FAM13B: variants seen among roughly 807,000 people sequenced by gnomAD.
The protein encoded by FAM13B is family with sequence similarity 13 member B, also known as protein FAM13B.
Under a neutral mutation model 117.3 loss-of-function variants are expected in FAM13B, and 60 were observed. The observed-to-expected ratio is 0.51, with a 90% confidence interval of 0.42 to 0.63. The LOEUF is 0.63. Among genes scored for constraint, FAM13B ranks in the 30% least tolerant of loss-of-function variants. The pLI is 0.00. For missense variants in FAM13B, 972 were observed against 1,091.9 expected, an observed-to-expected ratio of 0.89 and a Z score of 1.55; for synonymous variants, 332 against 356.1, an observed-to-expected ratio of 0.93 and a Z score of 0.76.
chr5:138,017,698 T>C (rs1477901805), intron 4 of FAM13B, among the ~76,000 whole-genome samples: 1 of 152,210 alleles, frequency 6.6e-6, no homozygotes, highest in East Asian at 1.9e-4. Context: ...ATTTTTCCTG[T>C]TCCTGTTCCA....
At chr5:137,986,193 C>G (rs1777160416) in intron 9 of FAM13B, among the ~76,000 whole-genome samples, 2 of 152,124 alleles carry the variant, frequency 1.3e-5, no homozygotes, top group Admixed American at 6.5e-5. Flanking sequence ...TAGAGCTGCA[C>G]TGGCTGGCAG....
At chr5:138,049,221 C>T (rs571231584) in intron 1 of FAM13B, among the ~76,000 whole-genome samples, 31 of 152,122 alleles carry the variant, frequency 2.0e-4, no homozygotes, top group Non-Finnish European at 3.7e-4. Flanking sequence ...GGATTACAGG[C>T]GTGAGCCACT....
At chr5:138,028,259 G>T (rs985170627) in intron 1 of FAM13B, among the ~76,000 whole-genome samples, 1 of 152,144 alleles carries the variant, frequency 6.6e-6, no homozygotes, top group Non-Finnish European at 1.5e-5. Context: ...TTGCAACAAC[G>T]TGGGAAATAT....
chr5:138,041,791 G>T (rs905193541), intron 1 of FAM13B, among the ~76,000 whole-genome samples: 1 of 151,740 alleles, frequency 6.6e-6, no homozygotes, highest in Admixed American at 6.6e-5. Flanking sequence ...ATTGGGGGTG[G>T]GGGGTGGTAC....
chr5:138,018,434 C>A lies in FAM13B; in HGVS notation c.238G>T (p.Gly80Ter). The A allele has an allele frequency of 6.2e-7, 1 of 1,614,104 alleles. No homozygotes were observed. The highest frequency in any genetic ancestry group is 8.5e-7 in the Non-Finnish European group (1 of 1,180,018). ...VEWLRQRYDS[G>*]EEVDLVKEAD... is the part of the protein sequence containing the mutation. Reference sequence around the variant, plus strand: ...TCCTTAACCAAATCCACCTCTTCTCCGCTGTCGTATCTCTGCCGAAGCCAC... The same window carrying A: ...TCCTTAACCAAATCCACCTCTTCTCAGCTGTCGTATCTCTGCCGAAGCCAC... Residue 80 changes from glycine (G) to a stop codon, truncating the protein, a stop_gained, in exon 4 of 24, where the codon GGA (glycine) becomes TGA (stop). Coordinates refer to ENST00000689681, the MANE Select transcript of FAM13B (RefSeq NM_001385994.1). LOFTEE classifies it high-confidence loss of function.
intron 1 of FAM13B, among the ~76,000 whole-genome samples, chr5:138,031,856 C>A (rs1182390201): frequency 1.3e-5 from 2 of 152,152 alleles, no homozygotes; most frequent in Non-Finnish European, 2.9e-5. Context: ...CTCACACTAA[C>A]CCAGCTCTAA....
At position 137,939,996 on chromosome 5, in the gene FAM13B, T is replaced by C; in HGVS notation, c.*229A>G. 1 of 1,584,762 alleles carries C rather than the reference T, an allele frequency of 6.3e-7. No individual in the cohort carries two copies. The highest frequency in any genetic ancestry group is 8.6e-7 in the Non-Finnish European group (1 of 1,166,104). On this transcript the variant is annotated 3_prime_UTR_variant, in exon 24 of 24. Coordinates refer to ENST00000689681, the MANE Select transcript of FAM13B (RefSeq NM_001385994.1). Reference sequence around the variant, plus strand: ...ACAATGAAGTAAACCATATGTTTGCTAAAGGTGGAGAGGACAGTCTGTGGT... The same window carrying C: ...ACAATGAAGTAAACCATATGTTTGCCAAAGGTGGAGAGGACAGTCTGTGGT...
At chr5:138,032,404 T>A (rs376529079) in intron 1 of FAM13B, among the ~76,000 whole-genome samples, 5 of 152,232 alleles carry the variant, frequency 3.3e-5, no homozygotes, top group East Asian at 3.9e-4. Flanking sequence ...CTGCCCAGCA[T>A]GAAGGAAGTG....
intron 4 of FAM13B, among the ~76,000 whole-genome samples, chr5:138,013,504 A>AG (rs1232660907): frequency 6.6e-6 from 1 of 151,190 alleles, no homozygotes; most frequent in Non-Finnish European, 1.5e-5. Flanking sequence ...CCATCTCCAA[A>AG]AAAAAAAAAA....
At chr5:137,952,861 A>G in intron 16 of FAM13B, 152 bp from the exon 17 acceptor site, 1 of 538,440 alleles carries the variant, frequency 1.9e-6, no homozygotes, top group Non-Finnish European at 3.2e-6. Context: ...TATTAAGTCA[A>G]GTTCTCCCAA....
intron 1 of FAM13B, among the ~76,000 whole-genome samples, chr5:138,027,643 T>G (rs1453107467): frequency 6.6e-6 from 1 of 152,224 alleles, no homozygotes; most frequent in African/African-American, 2.4e-5. Context: ...ACAGAAAAGC[T>G]GAACGAATGT....
intron 10 of FAM13B, among the ~76,000 whole-genome samples, chr5:137,970,231 A>G (rs1771653687): frequency 6.6e-6 from 1 of 152,008 alleles, no homozygotes. Context: ...TTACCCTCAA[A>G]GGGAAGCCCA....
At chr5:138,026,077 C>A (rs2151031058) in intron 1 of FAM13B, among the ~76,000 whole-genome samples, 1 of 152,292 alleles carries the variant, frequency 6.6e-6, no homozygotes, top group South Asian at 2.1e-4. Context: ...TGAGCTCTTA[C>A]AATATGCCAG....
chr5:137,959,551 T>A, intron 13 of FAM13B, 65 bp downstream of exon 13: 2 of 1,548,030 alleles, frequency 1.3e-6, no homozygotes, highest in Non-Finnish European at 1.8e-6. Flanking sequence ...AGTCTTATCA[T>A]TGCTTAGGGT....
At chr5:137,982,940 G>A (rs1776174246) in intron 10 of FAM13B, among the ~76,000 whole-genome samples, 1 of 152,048 alleles carries the variant, frequency 6.6e-6, no homozygotes. Context: ...GAAATGCTGG[G>A]TGCCTAGTTG....
intron 20 of FAM13B, among the ~76,000 whole-genome samples, chr5:137,944,497 G>A (rs1355729538): frequency 6.6e-6 from 1 of 152,170 alleles, no homozygotes; most frequent in African/African-American, 2.4e-5. Context: ...GCAGGGCACG[G>A]TGGCTCATGC....
At chr5:137,972,515 C>T (rs1162505172) in intron 10 of FAM13B, among the ~76,000 whole-genome samples, 1 of 151,352 alleles carries the variant, frequency 6.6e-6, no homozygotes, top group East Asian at 1.9e-4. Flanking sequence ...ACTGAATGGG[C>T]AAAAACTGGA....
intron 4 of FAM13B, among the ~76,000 whole-genome samples, chr5:138,016,606 C>T (rs967049581): frequency 3.3e-5 from 5 of 152,080 alleles, no homozygotes; most frequent in African/African-American, 9.7e-5. Flanking sequence ...TGCACTCCAG[C>T]CTGGGCGACA....
chr5:137,977,919 T>C (rs1246507054), intron 10 of FAM13B, among the ~76,000 whole-genome samples: 1 of 152,216 alleles, frequency 6.6e-6, no homozygotes, highest in Admixed American at 6.5e-5. Flanking sequence ...AGTAAAATCA[T>C]CCACAATCTA....
Sources: gnomAD v4.1 joint callset for allele counts (sites outside exome capture counted in the v4.1 genomes callset) on GRCh38, gnomAD v4.1.1 for gene constraint, MANE v1.5 for transcripts, NCBI Gene and HGNC (gene_info 2026-07-23, HGNC 2026-07-21) for gene names.